Variants in TRPC6 observed in about 807,000 individuals in gnomAD.
TRPC6 encodes short transient receptor potential channel 6.
A neutral mutation model predicts 90.7 loss-of-function variants in TRPC6; 55 were observed. The observed-to-expected ratio is 0.61, with a 90% CI of 0.49 to 0.76. TRPC6 has a LOEUF of 0.76. Among genes scored for constraint, TRPC6 ranks in the 30% least tolerant of loss-of-function variants. The pLI, the probability that TRPC6 is intolerant of heterozygous loss-of-function variation, is 0.00. For missense variants in TRPC6, 989 were observed against 1,122.7 expected (o/e 0.88, Z 1.70); for synonymous variants, 393 against 393.0 (o/e 1.00, Z 0.00).
intron 10 of TRPC6, among the ~76,000 whole-genome samples, chr11:101,459,367 T>C (rs1858953334): frequency 6.6e-6 from 1 of 152,198 alleles, no homozygotes. Flanking sequence ...GGCACATCTC[T>C]GTAGCTGCCA....
chr11:101,454,980 A>G (rs917684669), intron 11 of TRPC6, 38 bp downstream of exon 11: 2 of 1,516,022 alleles, frequency 1.3e-6, no homozygotes, highest in Non-Finnish European at 1.8e-6. Flanking sequence ...TAAATATTAC[A>G]AGTAACTAGT....
At chr11:101,583,062 GGTGGTGTTA>G (rs1422364877) in intron 1 of TRPC6, 1 of 552,212 alleles carries the variant, frequency 1.8e-6, no homozygotes, top group Non-Finnish European at 2.3e-6. Flanking sequence ...CACCTGCAAT[GGTGGTGTTA>G]CTATGCGGTC....
At chr11:101,551,831 G>T (rs1861456984) in intron 1 of TRPC6, among the ~76,000 whole-genome samples, 1 of 152,030 alleles carries the variant, frequency 6.6e-6, no homozygotes, top group Non-Finnish European at 1.5e-5. Flanking sequence ...GAGCCTCAGG[G>T]CTGTCATGGT....
At chr11:101,474,186 A>G (rs1288976683) in intron 6 of TRPC6, among the ~76,000 whole-genome samples, 2 of 152,222 alleles carry the variant, frequency 1.3e-5, no homozygotes, top group Admixed American at 1.3e-4. Context: ...GCATATGTTC[A>G]GCGTTTAGCA....
intron 1 of TRPC6, among the ~76,000 whole-genome samples, chr11:101,537,016 T>C (rs1264267278): frequency 6.6e-6 from 1 of 152,116 alleles, no homozygotes; most frequent in Non-Finnish European, 1.5e-5. Flanking sequence ...GAGCAAAGAG[T>C]TAAGGATGTA....
chr11:101,518,955 G>T (rs923072943), intron 1 of TRPC6, among the ~76,000 whole-genome samples: 2 of 152,188 alleles, frequency 1.3e-5, no homozygotes, highest in African/African-American at 4.8e-5. Flanking sequence ...GACAAGCTTT[G>T]CATGTTCTCA....
At chr11:101,578,226 A>G (rs868256552) in intron 1 of TRPC6, among the ~76,000 whole-genome samples, 6 of 152,362 alleles carry the variant, frequency 3.9e-5, no homozygotes, top group Middle Eastern at 3.4e-3. Flanking sequence ...TTCAATGAAC[A>G]TAGTTGCCAA....
chr11:101,488,396 G>A (rs1397719677), intron 4 of TRPC6, among the ~76,000 whole-genome samples: 1 of 152,166 alleles, frequency 6.6e-6, no homozygotes, highest in Non-Finnish European at 1.5e-5. Context: ...CCTAAAAAAT[G>A]TATATTCTTT....
At chr11:101,464,675 C>T (rs1357243870) in intron 10 of TRPC6, among the ~76,000 whole-genome samples, 2 of 151,972 alleles carry the variant, frequency 1.3e-5, no homozygotes, top group Non-Finnish European at 2.9e-5. Flanking sequence ...TATTTTGAGC[C>T]TATGTGTGTC....
chr11:101,530,071 C>A (rs992268118), intron 1 of TRPC6, among the ~76,000 whole-genome samples: 4 of 152,180 alleles, frequency 2.6e-5, no homozygotes, highest in Non-Finnish European at 5.9e-5. Flanking sequence ...CGCTGAAGTA[C>A]CCCTGTAACT....
intron 1 of TRPC6, among the ~76,000 whole-genome samples, chr11:101,537,493 T>G (rs1861078202): frequency 6.6e-6 from 1 of 152,170 alleles, no homozygotes; most frequent in South Asian, 2.1e-4. Context: ...CTGAATTCTA[T>G]AAGTAACTAC....
At chr11:101,573,726 A>G (rs1236347759) in intron 1 of TRPC6, among the ~76,000 whole-genome samples, 1 of 152,156 alleles carries the variant, frequency 6.6e-6, no homozygotes, top group African/African-American at 2.4e-5. Flanking sequence ...TTCTACATAC[A>G]ACATGTCTTA....
Position 101,493,127 on chromosome 11 carries a change from C to T in TRPC6, c.946-1389G>A, listed in dbSNP as rs527933183. Among the ~76,000 whole-genome samples, 351 of 152,252 alleles carry T rather than the reference C, an allele frequency of 2.3e-3. 2 individuals carry two copies. The highest frequency in any genetic ancestry group is 7.2e-3 in the Admixed American group (110 of 15,292). On this transcript the variant is annotated intron_variant, in intron 2 of 12. Coordinates refer to ENST00000344327, the MANE Select transcript of TRPC6 (RefSeq NM_004621.6). ...TTTCTTACACTAAGACCACCTATAA[C>T]CAAATGCTAATCAAGAAAGCCTATT... is the stretch of plus-strand genomic sequence containing the variant.
At chr11:101,574,926 T>C (rs937492780) in intron 1 of TRPC6, among the ~76,000 whole-genome samples, 2 of 152,118 alleles carry the variant, frequency 1.3e-5, no homozygotes, top group Non-Finnish European at 2.9e-5. Context: ...TTTGTGAAGG[T>C]TTTGTGCTAC....
At chr11:101,497,976 A>C (rs1859992876) in intron 2 of TRPC6, among the ~76,000 whole-genome samples, 1 of 152,232 alleles carries the variant, frequency 6.6e-6, no homozygotes, top group Non-Finnish European at 1.5e-5. Flanking sequence ...GGTTCAAAAA[A>C]AGAGGGAATT....
intron 1 of TRPC6, among the ~76,000 whole-genome samples, chr11:101,509,704 A>G (rs548405475): frequency 6.6e-6 from 1 of 152,160 alleles, no homozygotes; most frequent in Admixed American, 6.5e-5. Context: ...AACAGCAAAG[A>G]TATTTCCGTA....
At chr11:101,461,988 G>A (rs1859014929) in intron 10 of TRPC6, among the ~76,000 whole-genome samples, 1 of 152,156 alleles carries the variant, frequency 6.6e-6, no homozygotes, top group Non-Finnish European at 1.5e-5. Flanking sequence ...CTGTAGTAAT[G>A]ACAAGTGAGG....
intron 7 of TRPC6, among the ~76,000 whole-genome samples, chr11:101,472,818 A>T (rs1221219907): frequency 6.6e-6 from 1 of 152,184 alleles, no homozygotes; most frequent in Non-Finnish European, 1.5e-5. Flanking sequence ...GACCAAAGCT[A>T]AGCCAGTTTG....
intron 10 of TRPC6, among the ~76,000 whole-genome samples, chr11:101,458,320 C>T (rs1858930905): frequency 6.6e-6 from 1 of 152,142 alleles, no homozygotes; most frequent in African/African-American, 2.4e-5. Context: ...TGACTAAGTC[C>T]TTCAGGGAAT....
Sources: gnomAD v4.1 joint callset for allele counts (sites outside exome capture counted in the v4.1 genomes callset) on GRCh38, gnomAD v4.1.1 for gene constraint, MANE v1.5 for transcripts, NCBI Gene and HGNC (gene_info 2026-07-23, HGNC 2026-07-21) for gene names.